CRAMP1: variants seen among roughly 807,000 people sequenced by gnomAD.
The protein encoded by CRAMP1 is protein cramped-like.
A neutral mutation model predicts 115.4 loss-of-function variants in CRAMP1; 50 were observed. The ratio of observed to expected loss-of-function variants is 0.43; its 90% confidence interval spans 0.35 to 0.55. The LOEUF (loss-of-function observed/expected upper bound fraction) is 0.55, where lower values mean the gene tolerates loss of function less well. Among genes scored for constraint, CRAMP1 ranks in the 20% least tolerant of loss-of-function variants. The pLI, the probability that CRAMP1 is intolerant of heterozygous loss-of-function variation, is 0.01. For synonymous variants in CRAMP1, 866 were observed against 745.4 expected, an observed-to-expected ratio of 1.16 and a Z score of -2.64; for missense variants, 1,679 against 1,721.7, an observed-to-expected ratio of 0.98 and a Z score of 0.44.
At chr16:1,658,954 T>C (rs577542238) in intron 10 of CRAMP1, among the ~76,000 whole-genome samples, 4 of 151,934 alleles carry the variant, frequency 2.6e-5, no homozygotes, top group Non-Finnish European at 5.9e-5. Context: ...TTCCCAGCGG[T>C]GGTGGCGTTT....
intron 20 of CRAMP1, 36 bp from the exon 21 acceptor site, chr16:1,673,845 G>T (rs954693275): frequency 6.2e-7 from 1 of 1,609,622 alleles, no homozygotes; most frequent in Non-Finnish European, 8.5e-7. Flanking sequence ...CCAGCAGGTC[G>T]CGGTGACTTG....
chr16:1,620,560 T>G, intron 2 of CRAMP1: 1 of 433,980 alleles, frequency 2.3e-6, no homozygotes, highest in South Asian at 1.6e-5. Flanking sequence ...ACAGAAAGAG[T>G]GCTCCAGGAC....
chr16:1,667,266 G>C, intron 16 of CRAMP1, 69 bp from the exon 17 acceptor site: 1 of 1,292,710 alleles, frequency 7.7e-7, no homozygotes, highest in Non-Finnish European at 1.1e-6. Flanking sequence ...CTGGAACTCT[G>C]TCGCGGGTGA....
intron 20 of CRAMP1, 84 bp from the exon 21 acceptor site, chr16:1,673,797 T>A (rs527587530): frequency 1.5e-6 from 2 of 1,316,990 alleles, no homozygotes; most frequent in African/African-American, 2.9e-5. Flanking sequence ...CGATAGGAGC[T>A]TCTCGTCCTG....
chr16:1,663,166 T>G (rs1049621907), intron 13 of CRAMP1, among the ~76,000 whole-genome samples: 1 of 152,208 alleles, frequency 6.6e-6, no homozygotes, highest in African/African-American at 2.4e-5. Flanking sequence ...TGCCAGGGCA[T>G]GTGGGTCAGC....
In CRAMP1 at chr16:1,670,000, C is replaced by T. The variant is rs986999612; in HGVS notation, c.3500-664C>T. 3.9e-5 allele frequency among the ~76,000 whole-genome samples: 6 copies of T among 152,132 alleles called. No individual in the cohort carries two copies. The highest frequency in any genetic ancestry group is 1.4e-4 in the African/African-American group (6 of 41,428). On this transcript the variant is annotated intron_variant, in intron 19 of 20. Transcript: ENST00000397412. This position sits in a 1 kb window ranked among gnomAD's most constrained non-coding sequence, Gnocchi z 4.6. ...TGGAAACAGGCCAGGCGTGGTGGCT[C>T]ATGTCTGTAATCCCAGCACTTTGGG...
intron 11 of CRAMP1, among the ~76,000 whole-genome samples, chr16:1,661,606 T>C (rs991984428): frequency 6.7e-6 from 1 of 149,164 alleles, no homozygotes; most frequent in Non-Finnish European, 1.5e-5. Flanking sequence ...TTTTTTTTTT[T>C]TTTTTTTGAG....
rs1270457092 is a variant in CRAMP1, at chr16:1,655,904, C to T, written c.1147C>T (p.Gln383Ter). 1.2e-6 allele frequency: 2 copies of T among 1,611,092 alleles called. No individual in the cohort carries two copies. Among genetic ancestry groups the T allele is most frequent in the Admixed American group, 1.7e-5 (1 of 59,956 alleles). Residue 383 changes from glutamine to a stop codon, truncating the protein, a stop_gained, in exon 10 of 21, where the codon CAG becomes TAG. Transcript: ENST00000397412. LOFTEE classifies it high-confidence loss of function. ...VRKTLEERQL[Q>*]DSCSAPMQEK... is the part of the protein sequence containing the mutation. Reference sequence around the variant, plus strand: ...GAAGACACTCGAGGAGCGGCAGCTGCAGGACTCATGCTCCGCACCGATGCA... The same window carrying T: ...GAAGACACTCGAGGAGCGGCAGCTGTAGGACTCATGCTCCGCACCGATGCA...
At chr16:1,657,871 G>C (rs971369657) in intron 10 of CRAMP1, among the ~76,000 whole-genome samples, 4 of 152,200 alleles carry the variant, frequency 2.6e-5, no homozygotes, top group Non-Finnish European at 5.9e-5. Flanking sequence ...TGGGCGAGGG[G>C]CTCAAAGGAT....
intron 11 of CRAMP1, among the ~76,000 whole-genome samples, chr16:1,660,434 C>G (rs2036818505): frequency 6.6e-6 from 1 of 152,120 alleles, no homozygotes; most frequent in Admixed American, 6.6e-5. Context: ...CATGTAAAAC[C>G]TCAGAATAGA....
In CRAMP1 at chr16:1,656,206, G is replaced by A. The variant is rs757719069; in HGVS notation, c.1449G>A (p.Leu483=). The A allele has an allele frequency of 6.2e-7, 1 of 1,603,912 alleles. No homozygotes were observed. Among genetic ancestry groups the A allele is most frequent in the Admixed American group, 1.7e-5 (1 of 59,360 alleles). Residue 483 remains leucine, a synonymous_variant, in exon 10 of 21, where the codon TTG becomes TTA. Coordinates refer to ENST00000397412, the MANE Select transcript of CRAMP1 (RefSeq NM_020825.4). This position sits in a 1 kb window ranked among gnomAD's most constrained non-coding sequence, Gnocchi z 5.6. ...VGRPPPAADA[L]QSSGESSPES... ...GGCCCCCTCCTGCGGCTGACGCCTTGCAGAGCTCCGGAGAGAGTTCCCCCG... is the reference window on the plus strand; with the variant it reads ...GGCCCCCTCCTGCGGCTGACGCCTTACAGAGCTCCGGAGAGAGTTCCCCCG...
chr16:1,636,697 G>A (rs1006031814), intron 4 of CRAMP1, among the ~76,000 whole-genome samples: 3 of 152,236 alleles, frequency 2.0e-5, no homozygotes, highest in African/African-American at 7.2e-5. Flanking sequence ...TAGGTCTGGT[G>A]TAATACAGTA....
At chr16:1,628,873 G>A (rs1007905390) in intron 3 of CRAMP1, among the ~76,000 whole-genome samples, 1 of 152,246 alleles carries the variant, frequency 6.6e-6, no homozygotes, top group Non-Finnish European at 1.5e-5. Flanking sequence ...TCCTGCTTCA[G>A]CTGCTCCTCA....
At chr16:1,620,440 G>A (rs1340465474) in intron 2 of CRAMP1, among the ~76,000 whole-genome samples, 2 of 152,156 alleles carry the variant, frequency 1.3e-5, no homozygotes, top group Non-Finnish European at 2.9e-5. Flanking sequence ...AGACGGGTGT[G>A]TTCACTGCAG....
rs757019044 is a variant in CRAMP1, at chr16:1,655,997, C to T, written c.1240C>T (p.Arg414Cys). The stretch of plus-strand genomic sequence containing the variant: ...ACTGACACCGCTGCCGGGCGTGGCT[C>T]GCGTGGTGCACTCCAAGGCCTTCTG... ...CTLTPLPGVARVVHSKAFCTV... is the reference protein window; with the variant it reads ...CTLTPLPGVACVVHSKAFCTV... Residue 414 changes from arginine (R) to cysteine (C), a missense_variant, in exon 10 of 21, where the codon CGC (arginine) becomes TGC (cysteine). Around this residue, in one of 8 missense-constraint regions of CRAMP1, gnomAD observed 191 missense variants for 236.2 expected, o/e 0.81. Coordinates refer to ENST00000397412, the MANE Select transcript of CRAMP1 (RefSeq NM_020825.4). The T allele has an allele frequency of 1.2e-6, 2 of 1,612,912 alleles. No individual in the cohort carries two copies. Among genetic ancestry groups the T allele is most frequent in the South Asian group, 1.1e-5 (1 of 91,088 alleles).
intron 2 of CRAMP1, among the ~76,000 whole-genome samples, chr16:1,623,104 C>G: frequency 6.6e-6 from 1 of 152,194 alleles, no homozygotes; most frequent in Non-Finnish European, 1.5e-5. Flanking sequence ...ACCATGTTGT[C>G]CAGGCTTGTC....
intron 6 of CRAMP1, among the ~76,000 whole-genome samples, chr16:1,641,893 C>A (rs1241019302): frequency 6.6e-6 from 1 of 150,764 alleles, no homozygotes; most frequent in Non-Finnish European, 1.5e-5. Context: ...GGTCCCCACT[C>A]TGGAGCCTGG....
At chr16:1,670,843 A>G (rs2272893) in intron 20 of CRAMP1, 34 bp downstream of exon 20, 334,320 of 1,605,822 alleles carry the variant, frequency 0.21, 45,825 homozygotes, top group African/African-American at 0.56. Flanking sequence ...GCACCTGACC[A>G]CCAACCCTCG....
intron 3 of CRAMP1, among the ~76,000 whole-genome samples, chr16:1,631,492 G>C (rs979699363): frequency 6.6e-6 from 1 of 152,244 alleles, no homozygotes; most frequent in Non-Finnish European, 1.5e-5. Flanking sequence ...GTGGTATTTA[G>C]AAACCAAGAC....
Sources: allele counts gnomAD v4.1 joint callset (sites outside exome capture counted in the v4.1 genomes callset), GRCh38; gene constraint gnomAD v4.1.1; regional missense constraint gnomAD v4.1.1; non-coding constraint Gnocchi (gnomAD v3.1); transcripts MANE v1.5; gene names NCBI Gene and HGNC (gene_info 2026-07-23, HGNC 2026-07-21).